The following CSMD1 variants were observed in gnomAD, a reference collection of about 807,000 sequenced individuals.
The protein encoded by CSMD1 is CUB and sushi domain-containing protein 1.
CSMD1 carries 213 observed loss-of-function variants against 417.5 expected under a neutral mutation model. The ratio of observed to expected loss-of-function variants is 0.51; its 90% CI spans 0.46 to 0.57. The LOEUF is 0.57. CSMD1 is among the 20% of genes least tolerant of loss of function. The pLI, the probability that CSMD1 is intolerant of heterozygous loss-of-function variation, is 0.00. For missense variants in CSMD1, 6,923 were observed against 4,529.7 expected (o/e 1.53, Z -15.17); for synonymous variants, 2,862 against 1,736.8 (o/e 1.65, Z -16.11).
intron 3 of CSMD1, among the ~76,000 whole-genome samples, chr8:4,375,427 C>A (rs117053609): frequency 6.6e-6 from 1 of 152,264 alleles, no homozygotes; most frequent in Non-Finnish European, 1.5e-5. Flanking sequence ...GCATCTTGTA[C>A]TACCCCAGGA....
chr8:4,533,390 C>T (rs1167094166), intron 2 of CSMD1, among the ~76,000 whole-genome samples: 1 of 152,102 alleles, frequency 6.6e-6, no homozygotes, highest in Non-Finnish European at 1.5e-5. Context: ...CTGTGAGATC[C>T]ATATGACCAG....
At chr8:4,317,327 G>T (rs1403058152) in intron 3 of CSMD1, among the ~76,000 whole-genome samples, 1 of 152,094 alleles carries the variant, frequency 6.6e-6, no homozygotes, top group Non-Finnish European at 1.5e-5. Flanking sequence ...GCTAACGTGG[G>T]GTGCAGTGAA....
At chr8:3,725,806 A>T (rs1177959534) in intron 6 of CSMD1, among the ~76,000 whole-genome samples, 1 of 152,178 alleles carries the variant, frequency 6.6e-6, no homozygotes, top group African/African-American at 2.4e-5. Context: ...GGAATCTTTC[A>T]AGGACTGTGA....
chr8:4,232,525 C>A (rs1031425248), intron 3 of CSMD1, among the ~76,000 whole-genome samples: 5 of 152,142 alleles, frequency 3.3e-5, no homozygotes, highest in Non-Finnish European at 7.3e-5. Context: ...TTACACACTA[C>A]CTATGAAGAA....
At chr8:4,877,343 ATTATG>A (rs1375402416) in intron 1 of CSMD1, among the ~76,000 whole-genome samples, 1 of 152,124 alleles carries the variant, frequency 6.6e-6, no homozygotes, top group African/African-American at 2.4e-5. Flanking sequence ...GTTAAGATAA[ATTATG>A]TTATTTTACA....
intron 10 of CSMD1, among the ~76,000 whole-genome samples, chr8:3,512,131 AACCAC>A (rs1213401768): frequency 6.6e-6 from 1 of 152,148 alleles, no homozygotes; most frequent in African/African-American, 2.4e-5. Flanking sequence ...CTGTGGCCCC[AACCAC>A]GCTCATAGCA....
rs768222240 is a variant in CSMD1, at chr8:3,219,328, G to A, written c.4599C>T (p.Ser1533=). 6.0e-5 allele frequency: 95 copies of A among 1,585,522 alleles called. No homozygotes were observed. The highest frequency in any genetic ancestry group is 7.5e-5 in the Non-Finnish European group (87 of 1,164,976). The part of the protein sequence containing the change: ...GSQAPERIES[S]GNSLFLAFRS... ...GAAATGCCAGAAACAGGCTGTTTCC[G>A]CTACTCTCTATTCTTTCTGGGGCCT... Residue 1533 remains serine, a synonymous_variant, in exon 29 of 70, where the codon AGC becomes AGT. Coordinates refer to ENST00000635120, the MANE Select transcript of CSMD1 (RefSeq NM_033225.6).
chr8:3,322,988 C>A (rs1806254158), intron 23 of CSMD1, among the ~76,000 whole-genome samples: 3 of 152,208 alleles, frequency 2.0e-5, no homozygotes, highest in African/African-American at 4.8e-5. Context: ...AAGCCTTCCT[C>A]ATCAGAACCT....
intron 5 of CSMD1, among the ~76,000 whole-genome samples, chr8:3,817,713 G>A: frequency 6.6e-6 from 1 of 152,084 alleles, no homozygotes; most frequent in South Asian, 2.1e-4. Context: ...AAGGTATGCT[G>A]AGTTTCAGAA....
chr8:4,723,380 C>G (rs1395368400), intron 1 of CSMD1, among the ~76,000 whole-genome samples: 1 of 152,096 alleles, frequency 6.6e-6, no homozygotes, highest in African/African-American at 2.4e-5. Context: ...TCATGAAAAA[C>G]ATGTTGCCAT....
chr8:3,306,590 C>A (rs949949084), intron 25 of CSMD1, among the ~76,000 whole-genome samples: 1 of 152,110 alleles, frequency 6.6e-6, no homozygotes, highest in Admixed American at 6.5e-5. Flanking sequence ...CTGGGACATG[C>A]AGATTAAGGC....
intron 10 of CSMD1, among the ~76,000 whole-genome samples, chr8:3,526,464 C>G (rs1167698719): frequency 6.6e-6 from 1 of 152,078 alleles, no homozygotes; most frequent in Non-Finnish European, 1.5e-5. Context: ...TTACCAGAAG[C>G]TGGCTATTCT....
intron 3 of CSMD1, among the ~76,000 whole-genome samples, chr8:4,319,900 G>A (rs908784929): frequency 6.6e-6 from 1 of 152,114 alleles, no homozygotes. Context: ...GCTACAGAAA[G>A]ATCCACCGGA....
At chr8:3,245,071 G>A (rs929950508) in intron 26 of CSMD1, among the ~76,000 whole-genome samples, 1 of 152,238 alleles carries the variant, frequency 6.6e-6, no homozygotes, top group South Asian at 2.1e-4. Flanking sequence ...GAAAGGGGAC[G>A]TGTTAGCATT....
At chr8:3,200,905 C>A (rs1480303868) in intron 32 of CSMD1, among the ~76,000 whole-genome samples, 1 of 152,152 alleles carries the variant, frequency 6.6e-6, no homozygotes, top group African/African-American at 2.4e-5. Context: ...GTACCCAGTA[C>A]CAAACTGATT....
chr8:3,214,136 G>A lies in CSMD1; in HGVS notation c.4867+361C>T, dbSNP rs530138065. ...TGGGATTACAGGCATGAGCTACCAC[G>A]CCCGGCTAGAAGTAAGTATTTTATA... is the stretch of plus-strand genomic sequence containing the variant. On this transcript the variant is annotated intron_variant, in intron 30 of 69. Transcript: ENST00000635120. 1.2e-4 allele frequency among the ~76,000 whole-genome samples: 19 copies of A among 152,076 alleles called. 1 individual carries two copies. The highest frequency in any genetic ancestry group is 9.7e-4 in the East Asian group (5 of 5,162).
At chr8:3,656,072 C>T (rs915244853) in intron 7 of CSMD1, among the ~76,000 whole-genome samples, 6 of 152,142 alleles carry the variant, frequency 3.9e-5, no homozygotes, top group African/African-American at 1.2e-4. Context: ...AAATAATGCC[C>T]AGCACCCCTG....
intron 2 of CSMD1, among the ~76,000 whole-genome samples, chr8:4,549,385 CAA>C (rs1797768511): frequency 6.6e-6 from 1 of 152,124 alleles, no homozygotes; most frequent in African/African-American, 2.4e-5. Flanking sequence ...TTAACCTAAA[CAA>C]AACACAGTAA....
chr8:3,624,715 A>T (rs539280163), intron 7 of CSMD1, among the ~76,000 whole-genome samples: 1 of 152,302 alleles, frequency 6.6e-6, no homozygotes, highest in Admixed American at 6.5e-5. Flanking sequence ...AGCCCACTCT[A>T]GGATATGTGT....
Sources: gnomAD v4.1 joint callset for allele counts (sites outside exome capture counted in the v4.1 genomes callset) on GRCh38, gnomAD v4.1.1 for gene constraint, MANE v1.5 for transcripts, NCBI Gene and HGNC (gene_info 2026-07-23, HGNC 2026-07-21) for gene names.